Variants in ZNF227 observed in about 807,000 individuals in gnomAD.
ZNF227 encodes zinc finger protein 227.
A neutral mutation model predicts 13.2 loss-of-function variants in ZNF227; 12 were observed. That is an observed-to-expected ratio of 0.91 (90% confidence interval 0.58 to 1.47). The LOEUF is 1.47. Among genes scored for constraint, ZNF227 ranks in the 40% most tolerant of loss-of-function variants. The pLI, the probability that ZNF227 is intolerant of heterozygous loss-of-function variation, is 0.00. For missense variants in ZNF227, 885 were observed against 967.5 expected (o/e 0.91, Z 1.13); for synonymous variants, 338 against 326.0 (o/e 1.04, Z -0.40).
At position 44,232,672 on chromosome 19, in the gene ZNF227, G is replaced by T. The variant is rs942821755; in HGVS notation, c.272-2030G>T. ...ATATCTATAAATTGCTTGTTTTTTT[G>T]TTTTTTTTTTTTGTAGACGGAGTCA... On this transcript the variant is annotated intron_variant, in intron 5 of 5. Transcript: ENST00000313040. Among the ~76,000 whole-genome samples the T allele has an allele frequency of 3.0e-3, 427 of 141,418 alleles. 2 individuals are homozygous for T. Among genetic ancestry groups the T allele is most frequent in the Non-Finnish European group, 5.0e-3 (319 of 64,214 alleles). The allele number at this position is 141,418 out of a possible 152,430, so 92.8% of individuals were successfully genotyped here.
rs745671000 is a variant in ZNF227, at chr19:44,235,498, A to G, written c.1068A>G (p.Glu356=). The G allele has an allele frequency of 5.8e-5, 93 of 1,613,868 alleles. No individual in the cohort carries two copies. In the Admixed American group the frequency reaches 1.6e-3, roughly 27 times the overall value. The change falls in exon 6 of 6, where the codon GAA becomes GAG. Residue 356 remains glutamate, a synonymous_variant. Coordinates refer to ENST00000313040, the MANE Select transcript of ZNF227 (RefSeq NM_182490.3). ...GAGAGAAACCCTATAAATGCGAGGAATGTGGTAAATGCTTTAGTCAAAGTT... is the reference window on the plus strand; with the variant it reads ...GAGAGAAACCCTATAAATGCGAGGAGTGTGGTAAATGCTTTAGTCAAAGTT... The part of the protein sequence containing the change: ...HTGEKPYKCE[E]CGKCFSQSSN...
At chr19:44,215,758 CG>C (rs1599771746) in intron 2 of ZNF227, among the ~76,000 whole-genome samples, 1 of 152,070 alleles carries the variant, frequency 6.6e-6, no homozygotes, top group South Asian at 2.1e-4. Context: ...GAGGCCTAGG[CG>C]GGTGGATCAC....
rs755522418 is a variant in ZNF227, at chr19:44,228,446, G to A, written c.61G>A (p.Glu21Lys). 9 of 1,612,110 alleles carry A rather than the reference G, an allele frequency of 5.6e-6. No homozygotes were observed. Among genetic ancestry groups the A allele is most frequent in the Non-Finnish European group, 7.6e-6 (9 of 1,179,474 alleles). ...KKQEKMTKFQ[E>K]AVTFKDVAVV... is the part of the protein sequence containing the mutation. ...AGGTTACATGTGTTTGATATTGTAG[G>A]AGGCTGTGACATTCAAGGATGTGGC... Residue 21 changes from glutamate (E) to lysine (K), a missense_variant and splice_region_variant, in exon 4 of 6, where the codon GAG becomes AAG. Physicochemically the swap from Glu to Lys is moderately conservative, Grantham distance 56 (BLOSUM62 1). Transcript: ENST00000313040.
rs1599819216 is a variant in ZNF227, at chr19:44,227,177, C to T, written c.61-1269C>T. On this transcript the variant is annotated intron_variant, in intron 3 of 5. Transcript: ENST00000313040. ...AGCATGTATGGTGTGCTAGGCACTT[C>T]TAAGTGCTTGACATATATTCATTCA... 3 of 152,308 alleles carry T rather than the reference C, an allele frequency of 2.0e-5. No homozygotes were observed. The East Asian group carries it at 5.8e-4, about 29-fold the overall frequency. 9.4% of individuals were successfully genotyped at this position (152,308 alleles called of 1,614,324 possible).
Position 44,234,918 on chromosome 19 carries a change from A to T in ZNF227, c.488A>T (p.Tyr163Phe). Residue 163 changes from tyrosine (Y) to phenylalanine (F), a missense_variant, in exon 6 of 6, where the codon TAT (tyrosine) becomes TTT (phenylalanine). Coordinates refer to ENST00000313040, the MANE Select transcript of ZNF227 (RefSeq NM_182490.3). ...IMNPKGDSSI[Y>F]IENQEFPFWR... is the part of the protein sequence containing the mutation. ...AACCCTAAAGGAGATAGCTCTATTT[A>T]TATTGAAAATCAAGAGTTTCCATTT... The T allele has an allele frequency of 6.2e-7, 1 of 1,613,026 alleles. No homozygotes were observed. Among genetic ancestry groups the T allele is most frequent in the South Asian group, 1.1e-5 (1 of 90,686 alleles).
chr19:44,233,328 T>C (rs1015106216), intron 5 of ZNF227, among the ~76,000 whole-genome samples: 5 of 152,194 alleles, frequency 3.3e-5, no homozygotes, highest in Non-Finnish European at 5.9e-5. Flanking sequence ...AGTACTCTTA[T>C]TGCTTTTAAT....
intron 5 of ZNF227, among the ~76,000 whole-genome samples, chr19:44,232,462 G>A (rs892105040): frequency 1.3e-5 from 2 of 152,136 alleles, no homozygotes; most frequent in African/African-American, 2.4e-5. Flanking sequence ...GACAGAACTC[G>A]GGAAGGTGCT....
chr19:44,223,356 T>C (rs1309321593), intron 3 of ZNF227, among the ~76,000 whole-genome samples: 1 of 152,242 alleles, frequency 6.6e-6, no homozygotes, highest in Non-Finnish European at 1.5e-5. Flanking sequence ...CTCCTCCTTG[T>C]ACCTCTGGTA....
upstream of ZNF227, chr19:44,207,787 A>G (rs2122613886): frequency 6.6e-6 from 1 of 152,298 alleles, no homozygotes; most frequent in South Asian, 2.1e-4. Context: ...AGCGTCCTGG[A>G]TCGGTTGTCG....
At chr19:44,215,805 T>C (rs1170852971) in intron 2 of ZNF227, among the ~76,000 whole-genome samples, 7 of 151,950 alleles carry the variant, frequency 4.6e-5, no homozygotes, top group Admixed American at 3.3e-4. Context: ...CTGGCCAGCA[T>C]GATGAAACCC....
In ZNF227 at chr19:44,234,881, A is replaced by G; in HGVS notation, c.451A>G (p.Asn151Asp). 3.1e-6 allele frequency: 5 copies of G among 1,613,564 alleles called. No homozygotes were observed. The highest frequency in any genetic ancestry group is 4.2e-6 in the Non-Finnish European group (5 of 1,179,910). ...CTCTATTCAGGTTTCTGAAAATGAGAACAATATAATGAACCCTAAAGGAGA... is the reference window on the plus strand; with the variant it reads ...CTCTATTCAGGTTTCTGAAAATGAGGACAATATAATGAACCCTAAAGGAGA... ...GDSIQVSENE[N>D]NIMNPKGDSS... The change falls in exon 6 of 6, where the codon AAC (asparagine) becomes GAC (aspartate). Residue 151 changes from asparagine to aspartate, a missense_variant. By Grantham distance (23) the Asn-to-Asp change is conservative. Transcript: ENST00000313040.
intron 3 of ZNF227, among the ~76,000 whole-genome samples, chr19:44,226,584 A>G (rs1170206889): frequency 1.3e-5 from 2 of 152,234 alleles, no homozygotes; most frequent in African/African-American, 4.8e-5. Flanking sequence ...AGCCATGTGC[A>G]GGATATAATC....
At position 44,235,871 on chromosome 19, in the gene ZNF227, A is replaced by ATTCAT. The variant is rs762833852; in HGVS notation, c.1446_1450dup (p.Arg484IlefsTer87). 1 of 1,613,528 alleles carries ATTCAT rather than the reference A, an allele frequency of 6.2e-7. No homozygotes were observed. Among genetic ancestry groups the ATTCAT allele is most frequent in the Non-Finnish European group, 8.5e-7 (1 of 1,179,872 alleles). ...CTTTACCCGTAATACAGATCTGCATATTCATTTCAGAGTTCACACGGGAGA... is the reference window on the plus strand; with the variant it reads ...CTTTACCCGTAATACAGATCTGCATATTCATTTCATTTCAGAGTTCACACGGGAGA... On this transcript the variant is annotated frameshift_variant, in exon 6 of 6. Transcript: ENST00000313040. LOFTEE classifies it low-confidence loss of function (END_TRUNC).
intron 2 of ZNF227, among the ~76,000 whole-genome samples, chr19:44,217,109 C>T (rs914776117): frequency 1.3e-5 from 2 of 151,706 alleles, no homozygotes; most frequent in Admixed American, 6.6e-5. Context: ...ATTACAGACC[C>T]GCACCACCAC....
intron 3 of ZNF227, among the ~76,000 whole-genome samples, chr19:44,219,838 G>T (rs1329635675): frequency 6.6e-6 from 1 of 150,998 alleles, no homozygotes; most frequent in East Asian, 1.9e-4. Context: ...GTGCAGGTTT[G>T]TTACATATGT....
At position 44,236,802 on chromosome 19, in the gene ZNF227, A is replaced by G. The variant is rs1412848298; in HGVS notation, c.2372A>G (p.Gln791Arg). Residue 791 changes from glutamine (Q) to arginine (R), a missense_variant, in exon 6 of 6, where the codon CAG (glutamine) becomes CGG (arginine). By Grantham distance (43) the Gln-to-Arg change is conservative. Coordinates refer to ENST00000313040, the MANE Select transcript of ZNF227 (RefSeq NM_182490.3). Reference sequence around the variant, plus strand: ...CACCGTTCACGTCTTACATATCATCAGAAAGTCCATACTGGTAAAAAGCTT... The same window carrying G: ...CACCGTTCACGTCTTACATATCATCGGAAAGTCCATACTGGTAAAAAGCTT... Reference protein sequence around the residue: ...FRHRSRLTYHQKVHTGKKL With the variant: ...FRHRSRLTYHRKVHTGKKL The G allele has an allele frequency of 1.9e-6, 3 of 1,593,222 alleles. No individual in the cohort carries two copies. The highest frequency in any genetic ancestry group is 1.1e-5 in the South Asian group (1 of 88,022).
intron 2 of ZNF227, 108 bp from the exon 3 acceptor site, chr19:44,217,683 G>A (rs1241818496): frequency 1.7e-6 from 2 of 1,172,442 alleles, no homozygotes; most frequent in Middle Eastern, 1.9e-4. Context: ...TTACCAAGCT[G>A]TATGTGGCTA....
Position 44,237,086 on chromosome 19 carries a change from A to C in ZNF227, c.*256A>C. On this transcript the variant is annotated 3_prime_UTR_variant, in exon 6 of 6. Transcript: ENST00000313040. ...TATAAATGATCACCTTTCATTGTGA[A>C]TATATGCCTGAAGATAATGTGTGGA... 1 of 365,626 alleles carries C rather than the reference A, an allele frequency of 2.7e-6. No individual in the cohort carries two copies. Among genetic ancestry groups the C allele is most frequent in the Non-Finnish European group, 4.9e-6 (1 of 203,774 alleles). The allele number at this position is 365,626 out of a possible 1,614,324, so 22.6% of individuals were successfully genotyped here.
At position 44,231,745 on chromosome 19, in the gene ZNF227, G is replaced by GA. The variant is rs200821603; in HGVS notation, c.271+1930dup. 8.8e-3 allele frequency among the ~76,000 whole-genome samples: 1,337 copies of GA among 152,316 alleles called. 18 individuals are homozygous for GA. Among genetic ancestry groups the GA allele is most frequent in the African/African-American group, 0.031 (1,291 of 41,582 alleles). ...TCATAGATTGAGAGCACACCAGTGT[G>GA]ATTAATTATTTGGGAACACTGTCTT... On this transcript the variant is annotated intron_variant, in intron 5 of 5. Transcript: ENST00000313040.
Sources: gnomAD v4.1 joint callset for allele counts (sites outside exome capture counted in the v4.1 genomes callset) on GRCh38, gnomAD v4.1.1 for gene constraint, MANE v1.5 for transcripts, NCBI Gene and HGNC (gene_info 2026-07-23, HGNC 2026-07-21) for gene names.